GALNT2: variants seen among roughly 807,000 people sequenced by gnomAD.
GALNT2 encodes polypeptide N-acetylgalactosaminyltransferase 2.
Under a neutral mutation model 81.4 loss-of-function variants are expected in GALNT2, and 31 were observed. That is an observed-to-expected ratio of 0.38 (90% confidence interval 0.29 to 0.51). The LOEUF is 0.51. Among genes scored for constraint, GALNT2 ranks in the 20% least tolerant of loss-of-function variants. The pLI is 0.87. For synonymous variants in GALNT2, 303 were observed against 287.4 expected (o/e 1.05, Z -0.55); for missense variants, 629 against 765.7 (o/e 0.82, Z 2.11).
At chr1:230,200,185 C>T (rs1044619002) in intron 2 of GALNT2, among the ~76,000 whole-genome samples, 3 of 151,638 alleles carry the variant, frequency 2.0e-5, no homozygotes, top group African/African-American at 4.9e-5. Context: ...GCCTCAGCCT[C>T]CTGAGTAGCT....
At chr1:230,149,991 C>T (rs1377612357) in intron 1 of GALNT2, among the ~76,000 whole-genome samples, 1 of 152,222 alleles carries the variant, frequency 6.6e-6, no homozygotes, top group Non-Finnish European at 1.5e-5. Context: ...AAACGCTTCT[C>T]AACACCGTTG....
intron 1 of GALNT2, among the ~76,000 whole-genome samples, chr1:230,125,508 C>A (rs928115749): frequency 6.6e-6 from 1 of 152,198 alleles, no homozygotes; most frequent in East Asian, 1.9e-4. Flanking sequence ...GTCTTTCAGC[C>A]AAGATCGTGT....
At chr1:230,182,293 T>A (rs1663185418) in intron 2 of GALNT2, among the ~76,000 whole-genome samples, 1 of 152,166 alleles carries the variant, frequency 6.6e-6, no homozygotes, top group Non-Finnish European at 1.5e-5. Flanking sequence ...TTCTCCTTTT[T>A]CTAGTTTTTT....
intron 2 of GALNT2, among the ~76,000 whole-genome samples, chr1:230,182,548 A>G (rs572790752): frequency 2.0e-5 from 3 of 152,300 alleles, no homozygotes; most frequent in Admixed American, 1.3e-4. Context: ...CCAGCTAGCT[A>G]TCTTTCTGTT....
chr1:230,087,070 G>A (rs766995324), intron 1 of GALNT2, among the ~76,000 whole-genome samples: 2 of 152,168 alleles, frequency 1.3e-5, no homozygotes, highest in Non-Finnish European at 1.5e-5. Context: ...GTGTGGGAGG[G>A]GTCTTCTTCC....
intron 1 of GALNT2, among the ~76,000 whole-genome samples, chr1:230,113,153 G>C (rs1472389453): frequency 6.6e-6 from 1 of 152,138 alleles, no homozygotes; most frequent in Admixed American, 6.5e-5. Context: ...GAGGGATAGA[G>C]CCCCAGCGCT....
chr1:230,265,386 C>A lies in GALNT2; in HGVS notation c.1440+19C>A. Reference sequence around the variant, plus strand: ...AAACCAGGTATGTGCATGGGGAAGCCAGGTCACCTGCAGGCCCAGAGAGAG... The same window carrying A: ...AAACCAGGTATGTGCATGGGGAAGCAAGGTCACCTGCAGGCCCAGAGAGAG... On this transcript the variant is annotated intron_variant, in intron 14 of 15. Transcript: ENST00000366672. The A allele has an allele frequency of 6.2e-7, 1 of 1,614,066 alleles. No individual in the cohort carries two copies. Among genetic ancestry groups the A allele is most frequent in the African/African-American group, 1.3e-5 (1 of 75,018 alleles).
chr1:230,235,736 T>G (rs1273005465), intron 3 of GALNT2, among the ~76,000 whole-genome samples: 1 of 152,138 alleles, frequency 6.6e-6, no homozygotes, highest in Admixed American at 6.6e-5. Context: ...TTTCACTGTT[T>G]TAAAACACTT....
In GALNT2 at chr1:230,095,192, C is replaced by T. The variant is rs565710229; in HGVS notation, c.126+27786C>T. The stretch of plus-strand genomic sequence containing the variant: ...AGAATGTGGGCAGTGGCAGCAGACC[C>T]GCGGGGCTGTGACACTGTCCTTTCT... On this transcript the variant is annotated intron_variant, in intron 1 of 15. Coordinates refer to ENST00000366672, the MANE Select transcript of GALNT2 (RefSeq NM_004481.5). 6.6e-5 allele frequency among the ~76,000 whole-genome samples: 10 copies of T among 152,168 alleles called. No individual in the cohort carries two copies. The South Asian group carries it at 1.5e-3, about 22-fold the overall frequency.
At chr1:230,225,681 TG>T (rs199498555) in intron 3 of GALNT2, among the ~76,000 whole-genome samples, 11,641 of 146,182 alleles carry the variant, frequency 0.08, 1,042 homozygotes, top group African/African-American at 0.2. Context: ...AGAGTTTTTT[TG>T]TTTTTTTTTT....
intron 1 of GALNT2, among the ~76,000 whole-genome samples, chr1:230,112,386 G>C (rs970229350): frequency 1.3e-5 from 2 of 151,140 alleles, no homozygotes; most frequent in Non-Finnish European, 3.0e-5. Context: ...CCGGGGGAGG[G>C]GGGGGGCCTG....
At chr1:230,217,413 G>C (rs2102719194) in intron 3 of GALNT2, among the ~76,000 whole-genome samples, 1 of 152,332 alleles carries the variant, frequency 6.6e-6, no homozygotes, top group South Asian at 2.1e-4. Context: ...CCTATCTAAA[G>C]GACAGCAGGA....
At chr1:230,157,519 C>T (rs114811594) in intron 1 of GALNT2, among the ~76,000 whole-genome samples, 5 of 152,190 alleles carry the variant, frequency 3.3e-5, no homozygotes, top group African/African-American at 7.2e-5. Flanking sequence ...TTTATGTGCT[C>T]TTGGGATTCA....
intron 1 of GALNT2, among the ~76,000 whole-genome samples, chr1:230,172,775 C>T (rs571222423): frequency 2.6e-4 from 39 of 152,300 alleles, no homozygotes; most frequent in African/African-American, 7.2e-4. Flanking sequence ...CTATTAACAA[C>T]GAAACCTATA....
At chr1:230,244,584 G>A (rs574453349) in intron 7 of GALNT2, among the ~76,000 whole-genome samples, 9 of 152,124 alleles carry the variant, frequency 5.9e-5, no homozygotes, top group East Asian at 1.9e-4. Flanking sequence ...TTGGGTGTGC[G>A]AAGGTCACCG....
intron 14 of GALNT2, among the ~76,000 whole-genome samples, chr1:230,267,880 C>CG (rs1036713321): frequency 6.6e-6 from 1 of 152,146 alleles, no homozygotes; most frequent in Non-Finnish European, 1.5e-5. Flanking sequence ...TGCTGGGAAG[C>CG]GGGGGGCCCA....
chr1:230,132,977 G>A (rs969284342), intron 1 of GALNT2, among the ~76,000 whole-genome samples: 3 of 152,184 alleles, frequency 2.0e-5, no homozygotes, highest in Admixed American at 6.5e-5. Context: ...TTCATGCCGC[G>A]TAAGCATCCC....
At chr1:230,133,712 C>T (rs1572001623) in intron 1 of GALNT2, among the ~76,000 whole-genome samples, 1 of 152,286 alleles carries the variant, frequency 6.6e-6, no homozygotes, top group East Asian at 1.9e-4. Context: ...GTCTTGGCCT[C>T]CTAAAGTGCT....
chr1:230,132,730 AT>A (rs1661406237), intron 1 of GALNT2, among the ~76,000 whole-genome samples: 1 of 152,206 alleles, frequency 6.6e-6, no homozygotes, highest in Non-Finnish European at 1.5e-5. Context: ...AAATGTGACT[AT>A]TTTGTTGCAA....
Sources: allele counts gnomAD v4.1 joint callset (sites outside exome capture counted in the v4.1 genomes callset), GRCh38; gene constraint gnomAD v4.1.1; transcripts MANE v1.5; gene names NCBI Gene and HGNC (gene_info 2026-07-23, HGNC 2026-07-21).